The following LDLRAD4 variants were observed in gnomAD, a reference collection of about 807,000 sequenced individuals.
The protein encoded by LDLRAD4 is low density lipoprotein receptor class A domain containing 4, also known as low-density lipoprotein receptor class A domain-containing protein 4.
A neutral mutation model predicts 17.0 loss-of-function variants in LDLRAD4; 5 were observed. That is an observed-to-expected ratio of 0.29 (90% confidence interval 0.15 to 0.62). The LOEUF (loss-of-function observed/expected upper bound fraction) is 0.62. Among genes scored for constraint, LDLRAD4 ranks in the 20% least tolerant of loss-of-function variants. The pLI, the probability that LDLRAD4 is intolerant of heterozygous loss-of-function variation, is 0.84. For missense variants in LDLRAD4, 340 were observed against 424.7 expected (o/e 0.80, Z 1.75); for synonymous variants, 168 against 171.8 (o/e 0.98, Z 0.17).
chr18:13,461,048 A>T (rs2092403043), intron 3 of LDLRAD4: 3 of 151,838 alleles, frequency 2.0e-5, no homozygotes, highest in Admixed American at 1.3e-4. Flanking sequence ...TTGTTGGTGA[A>T]CACAGTGCCC....
At chr18:13,305,366 G>A (rs1263280764) in intron 1 of LDLRAD4, among the ~76,000 whole-genome samples, 1 of 152,172 alleles carries the variant, frequency 6.6e-6, no homozygotes, top group Non-Finnish European at 1.5e-5. Context: ...TAATTTTGTA[G>A]CCACATCTGG....
At chr18:13,452,637 T>C (rs1304509750) in intron 3 of LDLRAD4, among the ~76,000 whole-genome samples, 1 of 152,076 alleles carries the variant, frequency 6.6e-6, no homozygotes, top group African/African-American at 2.4e-5. Flanking sequence ...AATACCGACA[T>C]AGGAGGGATC....
At position 13,621,570 on chromosome 18, in the gene LDLRAD4, C is replaced by T. The variant is rs1210155285; in HGVS notation, c.336+299C>T. Among the ~76,000 whole-genome samples, 4 of 152,198 alleles carry T rather than the reference C, an allele frequency of 2.6e-5. No homozygotes were observed. The highest frequency in any genetic ancestry group is 1.5e-5 in the Non-Finnish European group (1 of 68,028). ...GCTTCTGAGCTGTGCACGAACGGGA[C>T]CGGCCCTGGGTGGTCCCTCGTGCCT... On this transcript the variant is annotated intron_variant, in intron 4 of 5. Transcript: ENST00000359446. The surrounding 1 kb of genome is among the most constrained non-coding windows in gnomAD (Gnocchi z 5.5).
chr18:13,519,914 GTTGCC>G (rs1407696125), intron 3 of LDLRAD4: 3 of 152,134 alleles, frequency 2.0e-5, no homozygotes, highest in African/African-American at 7.2e-5. Flanking sequence ...ACTAAGTCCT[GTTGCC>G]TCAAGTCTAT....
chr18:13,318,761 TGC>T (rs1178997315), intron 1 of LDLRAD4, among the ~76,000 whole-genome samples: 2 of 152,178 alleles, frequency 1.3e-5, no homozygotes, highest in Non-Finnish European at 2.9e-5. Context: ...GTCACTGTGG[TGC>T]TGCCTGGGCC....
intron 3 of LDLRAD4, among the ~76,000 whole-genome samples, chr18:13,593,344 T>C (rs999608025): frequency 1.3e-5 from 2 of 152,168 alleles, no homozygotes; most frequent in African/African-American, 4.8e-5. Context: ...AAAAACAGTC[T>C]TGTTTCTCCA....
At chr18:13,517,661 G>A (rs906661072) in intron 3 of LDLRAD4, among the ~76,000 whole-genome samples, 1 of 152,228 alleles carries the variant, frequency 6.6e-6, no homozygotes. Flanking sequence ...CCCACAGGTG[G>A]GAGAATATTT....
intron 1 of LDLRAD4, among the ~76,000 whole-genome samples, chr18:13,222,323 T>G (rs1339519188): frequency 6.7e-6 from 1 of 150,364 alleles, no homozygotes; most frequent in African/African-American, 2.4e-5. Flanking sequence ...TTTTCTTCCT[T>G]TTTTTTTTGG....
chr18:13,522,256 A>T (rs1242899784), intron 3 of LDLRAD4: 1 of 152,034 alleles, frequency 6.6e-6, no homozygotes, highest in Non-Finnish European at 1.5e-5. Context: ...GTTTTCTAGA[A>T]CCAAAGGACC....
At chr18:13,395,683 T>C (rs1233684052) in intron 2 of LDLRAD4, among the ~76,000 whole-genome samples, 2 of 39,824 alleles carry the variant, frequency 5.0e-5, no homozygotes, top group African/African-American at 2.2e-4. Flanking sequence ...GGGGCGGGAG[T>C]TGGCGTTGGG....
At chr18:13,518,971 A>G (rs1170101847) in intron 3 of LDLRAD4, among the ~76,000 whole-genome samples, 2 of 152,238 alleles carry the variant, frequency 1.3e-5, no homozygotes, top group Non-Finnish European at 2.9e-5. Context: ...GTGAAGACTC[A>G]GCTTTCTTCA....
At chr18:13,316,195 A>G (rs2080925861) in intron 1 of LDLRAD4, among the ~76,000 whole-genome samples, 1 of 152,234 alleles carries the variant, frequency 6.6e-6, no homozygotes, top group Admixed American at 6.5e-5. Context: ...ATGTCACTGC[A>G]AAACTAGAAC....
intron 3 of LDLRAD4, among the ~76,000 whole-genome samples, chr18:13,443,987 G>A (rs2091217827): frequency 6.6e-6 from 1 of 152,198 alleles, no homozygotes; most frequent in Non-Finnish European, 1.5e-5. Flanking sequence ...ATACCGTCAG[G>A]CATTTGGGGT....
intron 1 of LDLRAD4, among the ~76,000 whole-genome samples, chr18:13,255,936 G>C (rs962824949): frequency 1.3e-5 from 2 of 152,166 alleles, no homozygotes; most frequent in Admixed American, 6.5e-5. Context: ...ATCAGCATTG[G>C]TGTTATTTTG....
At chr18:13,563,146 G>T (rs2094558913) in intron 3 of LDLRAD4, 1 of 152,200 alleles carries the variant, frequency 6.6e-6, no homozygotes, top group Non-Finnish European at 1.5e-5. Flanking sequence ...ATATTTTTTA[G>T]TAAAACTTAT....
At position 13,645,021 on chromosome 18, in the gene LDLRAD4, C is replaced by A; in HGVS notation, c.391-106C>A. ...TTTTTTTTTCCTGGGAGATGGTGTTCAAACTGGTAGGAACACACACCAAGC... is the reference window on the plus strand; with the variant it reads ...TTTTTTTTTCCTGGGAGATGGTGTTAAAACTGGTAGGAACACACACCAAGC... On this transcript the variant is annotated intron_variant, in intron 5 of 5. Transcript: ENST00000359446. This position sits in a 1 kb window ranked among gnomAD's most constrained non-coding sequence, Gnocchi z 5.7. 1.1e-6 allele frequency: 1 copy of A among 896,940 alleles called. No individual in the cohort carries two copies. The highest frequency in any genetic ancestry group is 1.7e-6 in the Non-Finnish European group (1 of 592,234). 55.6% of individuals were successfully genotyped at this position (896,940 alleles called of 1,614,324 possible).
intron 3 of LDLRAD4, among the ~76,000 whole-genome samples, chr18:13,603,854 T>C (rs776255839): frequency 2.0e-5 from 3 of 152,272 alleles, no homozygotes; most frequent in African/African-American, 7.2e-5. Flanking sequence ...GGGCGGTTCC[T>C]GGCTCTCTTT....
intron 1 of LDLRAD4, among the ~76,000 whole-genome samples, chr18:13,264,047 TGG>T (rs1187584629): frequency 6.6e-6 from 1 of 152,032 alleles, no homozygotes; most frequent in Non-Finnish European, 1.5e-5. Context: ...GTTGGGGGCA[TGG>T]GAGGGGCTAT....
exon 6 of LDLRAD4, chr18:13,651,909 A>G (rs1262912280): frequency 6.6e-6 from 1 of 152,204 alleles, no homozygotes; most frequent in Admixed American, 6.5e-5. Flanking sequence ...TTAAACTGAA[A>G]TTGACTCTAC....
Sources: allele counts gnomAD v4.1 joint callset (sites outside exome capture counted in the v4.1 genomes callset), GRCh38; gene constraint gnomAD v4.1.1; non-coding constraint Gnocchi (gnomAD v3.1); transcripts MANE v1.5; gene names NCBI Gene and HGNC (gene_info 2026-07-23, HGNC 2026-07-21).